ALDH5A1: variants seen among roughly 807,000 people sequenced by gnomAD.
ALDH5A1 encodes aldehyde dehydrogenase 5 family member A1, also known as succinate-semialdehyde dehydrogenase, mitochondrial.
Under a neutral mutation model 54.7 loss-of-function variants are expected in ALDH5A1, and 33 were observed. The ratio of observed to expected loss-of-function variants is 0.60; its 90% CI spans 0.46 to 0.81. The LOEUF (loss-of-function observed/expected upper bound fraction) is 0.81. ALDH5A1 is among the 30% of genes least tolerant of loss of function. The pLI, the probability that ALDH5A1 is intolerant of heterozygous loss-of-function variation, is 0.00. For missense variants in ALDH5A1, 657 were observed against 711.0 expected (o/e 0.92, Z 0.86); for synonymous variants, 294 against 292.7 (o/e 1.00, Z -0.05).
At chr6:24,521,448 T>G (rs1759680408) in intron 6 of ALDH5A1, among the ~76,000 whole-genome samples, 1 of 152,242 alleles carries the variant, frequency 6.6e-6, no homozygotes, top group Non-Finnish European at 1.5e-5. Context: ...GGTCCTGCCT[T>G]CTTAAATATT....
At chr6:24,503,033 C>G (rs1039557791) in intron 2 of ALDH5A1, among the ~76,000 whole-genome samples, 2 of 151,896 alleles carry the variant, frequency 1.3e-5, no homozygotes, top group African/African-American at 4.8e-5. Flanking sequence ...TAGATGTTTC[C>G]TAATTTGTAA....
At chr6:24,524,536 C>T (rs1247545287) in intron 7 of ALDH5A1, among the ~76,000 whole-genome samples, 2 of 152,204 alleles carry the variant, frequency 1.3e-5, no homozygotes, top group Non-Finnish European at 2.9e-5. Flanking sequence ...GCTGCCTCCA[C>T]CCCGTGGGCA....
In ALDH5A1 at chr6:24,517,155, G is replaced by C. The variant is rs147059094; in HGVS notation, c.870+1845G>C. ...TGAGTAGCTAGGATTACAGGCATGT[G>C]CCACTACGCCTGGCTAATTTTTGTA... On this transcript the variant is annotated intron_variant, in intron 5 of 9. Coordinates refer to ENST00000357578, the MANE Select transcript of ALDH5A1 (RefSeq NM_001080.3). Among the ~76,000 whole-genome samples, 654 of 152,150 alleles carry C rather than the reference G, an allele frequency of 4.3e-3. 4 individuals are homozygous for C. The highest frequency in any genetic ancestry group is 0.01 in the Middle Eastern group (3 of 294).
At chr6:24,508,630 T>C (rs1759407039) in intron 4 of ALDH5A1, among the ~76,000 whole-genome samples, 1 of 146,154 alleles carries the variant, frequency 6.8e-6, no homozygotes, top group African/African-American at 2.6e-5. Flanking sequence ...TCTGGGTAGA[T>C]ACCCAGTAGT....
rs4646842 is a variant in ALDH5A1 at position 24,515,102 on chromosome 6, C to CTT, written c.727-47_727-46dup. On this transcript the variant is annotated intron_variant, in intron 4 of 9. Coordinates refer to ENST00000357578, the MANE Select transcript of ALDH5A1 (RefSeq NM_001080.3). Reference sequence around the variant, plus strand: ...TTAAGTATCTATTTATTTCTCTTTTCTTTTTTTTTTTTTTTTTTTCAGTTT... The same window carrying CTT: ...TTAAGTATCTATTTATTTCTCTTTTCTTTTTTTTTTTTTTTTTTTTTCAGTTT... The CTT allele has an allele frequency of 7.5e-3, 6,969 of 926,926 alleles. 1 individual carries two copies. The highest frequency in any genetic ancestry group is 0.013 in the South Asian group (739 of 58,034). 57.4% of individuals were successfully genotyped at this position (926,926 alleles called of 1,614,324 possible).
In ALDH5A1 at chr6:24,524,872, T is replaced by C. The variant is rs569047439; in HGVS notation, c.1173+1947T>C. Among the ~76,000 whole-genome samples the C allele has an allele frequency of 1.4e-3, 209 of 152,322 alleles. 1 individual carries two copies. Among genetic ancestry groups the C allele is most frequent in the African/African-American group, 5.0e-3 (207 of 41,578 alleles). ...TCCAAGAAGACTAGGTGTTAATTTA[T>C]GTGTAGTCAGCCTAGGCATTGGCAT... On this transcript the variant is annotated intron_variant, in intron 7 of 9. Coordinates refer to ENST00000357578, the MANE Select transcript of ALDH5A1 (RefSeq NM_001080.3).
chr6:24,522,686 A>G (rs990370326), intron 6 of ALDH5A1, 81 bp from the exon 7 acceptor site: 3 of 1,525,288 alleles, frequency 2.0e-6, no homozygotes, highest in Non-Finnish European at 2.7e-6. Context: ...TTTCACAGAG[A>G]GGCGGTAGCA....
In ALDH5A1 at chr6:24,503,440, G is replaced by A. The variant is rs1306935158; in HGVS notation, c.609+7G>A. On this transcript the variant is annotated splice_region_variant and intron_variant, in intron 3 of 9. Transcript: ENST00000357578. ...GGCTGCAGTCATCACCCCGGTAGGT[G>A]ACAGGATCAGCAAGATCCTAGGGTG... The A allele has an allele frequency of 6.2e-7, 1 of 1,610,900 alleles. No individual in the cohort carries two copies. The highest frequency in any genetic ancestry group is 1.3e-5 in the African/African-American group (1 of 74,920).
chr6:24,528,838 G>A (rs916185766), intron 8 of ALDH5A1, among the ~76,000 whole-genome samples: 1 of 149,936 alleles, frequency 6.7e-6, no homozygotes, highest in African/African-American at 2.5e-5. Flanking sequence ...CACCATGCCT[G>A]GCTAATTTTT....
rs529933241 is a variant in ALDH5A1 at position 24,518,802 on chromosome 6, T to C, written c.871-1599T>C. Among the ~76,000 whole-genome samples the C allele has an allele frequency of 1.3e-5, 2 of 152,274 alleles. No homozygotes were observed. The highest frequency in any genetic ancestry group is 6.5e-5 in the Admixed American group (1 of 15,290). On this transcript the variant is annotated intron_variant, in intron 5 of 9. Transcript: ENST00000357578. The surrounding 1 kb of genome is among the most constrained non-coding windows in gnomAD (Gnocchi z 4.2). ...TGTCACAAAACTCATGACCTCAGAA[T>C]GTACAACACTTGGGGGGCAATCCTA...
intron 5 of ALDH5A1, among the ~76,000 whole-genome samples, chr6:24,517,304 C>T (rs1759594028): frequency 6.6e-6 from 1 of 152,200 alleles, no homozygotes; most frequent in Non-Finnish European, 1.5e-5. Context: ...GCGTGCCCAG[C>T]TGGAATAATG....
Position 24,504,867 on chromosome 6 carries a change from A to G in ALDH5A1, c.610-2A>G, listed in dbSNP as rs1301821497. On this transcript the variant is annotated splice_acceptor_variant, in intron 3 of 9. Coordinates refer to ENST00000357578, the MANE Select transcript of ALDH5A1 (RefSeq NM_001080.3). LOFTEE classifies it high-confidence loss of function. ...ATACTTCCTCTGCTCTTCTAACCCC[A>G]GTGGAATTTCCCCAGTGCCATGATC... 1.3e-5 allele frequency: 21 copies of G among 1,613,462 alleles called. No homozygotes were observed. Among genetic ancestry groups the G allele is most frequent in the Non-Finnish European group, 1.8e-5 (21 of 1,179,530 alleles).
Position 24,495,369 on chromosome 6 carries a change from A to T in ALDH5A1, c.354+19A>T. 1 of 1,531,174 alleles carries T rather than the reference A, an allele frequency of 6.5e-7. No homozygotes were observed. 94.8% of individuals were successfully genotyped at this position (1,531,174 alleles called of 1,614,324 possible). On this transcript the variant is annotated intron_variant, in intron 1 of 9. Transcript: ENST00000357578. ...CGCCAAGGTGAGAGAGCCCGGATGC[A>T]GGGGGCCAGAGCTGGCCGGGGACAC...
At chr6:24,527,293 G>C (rs1015116931) in intron 7 of ALDH5A1, among the ~76,000 whole-genome samples, 2 of 151,960 alleles carry the variant, frequency 1.3e-5, no homozygotes, top group Non-Finnish European at 2.9e-5. Context: ...CAACTACTTG[G>C]CCAGGCCTCG....
intron 1 of ALDH5A1, 141 bp from the exon 2 acceptor site, chr6:24,502,382 C>G: frequency 5.4e-6 from 4 of 740,576 alleles, no homozygotes; most frequent in Middle Eastern, 3.6e-4. Flanking sequence ...GTCTCCCAGT[C>G]AAATTTACAC....
At chr6:24,499,116 A>G (rs1764769851) in intron 1 of ALDH5A1, among the ~76,000 whole-genome samples, 2 of 151,200 alleles carry the variant, frequency 1.3e-5, no homozygotes, top group Admixed American at 1.3e-4. Context: ...AAAAAAAAAA[A>G]AAAGAAAAAA....
rs1256622350 is a variant in ALDH5A1, at chr6:24,534,504, G to A, written c.*792G>A. 1 of 152,570 alleles carries A rather than the reference G, an allele frequency of 6.6e-6. No homozygotes were observed. Among genetic ancestry groups the A allele is most frequent in the Non-Finnish European group, 1.5e-5 (1 of 68,234 alleles). The allele number at this position is 152,570 out of a possible 1,614,324, so 9.5% of individuals were successfully genotyped here. The stretch of plus-strand genomic sequence containing the variant: ...AGTGGCATGGCCTGGCTCCTTCCCT[G>A]AGTGGCCTTGTTGCCTTGGGCGTGT... On this transcript the variant is annotated 3_prime_UTR_variant, in exon 10 of 10. Transcript: ENST00000357578.
In ALDH5A1 at chr6:24,501,908, T is replaced by G. The variant is rs1271383496; in HGVS notation, c.355-615T>G. 4.0e-5 allele frequency among the ~76,000 whole-genome samples: 6 copies of G among 148,216 alleles called. No homozygotes were observed. In the South Asian group the frequency reaches 6.4e-4, roughly 16 times the overall value. On this transcript the variant is annotated intron_variant, in intron 1 of 9. Coordinates refer to ENST00000357578, the MANE Select transcript of ALDH5A1 (RefSeq NM_001080.3). The stretch of plus-strand genomic sequence containing the variant: ...ATATATATATATATGTGTGTGTGTG[T>G]GTGTGGGTGTATATATATATGTGTG...
intron 4 of ALDH5A1, among the ~76,000 whole-genome samples, chr6:24,505,497 C>T (rs574799591): frequency 6.6e-6 from 1 of 152,178 alleles, no homozygotes; most frequent in African/African-American, 2.4e-5. Flanking sequence ...CATTCATCTG[C>T]TTGGACCACT....
Sources: allele counts gnomAD v4.1 joint callset (sites outside exome capture counted in the v4.1 genomes callset), GRCh38; gene constraint gnomAD v4.1.1; non-coding constraint Gnocchi (gnomAD v3.1); transcripts MANE v1.5; gene names NCBI Gene and HGNC (gene_info 2026-07-23, HGNC 2026-07-21).